MFN2: variants seen among roughly 807,000 people sequenced by gnomAD.
MFN2 encodes mitofusin-2.
A neutral mutation model predicts 87.5 loss-of-function variants in MFN2; 43 were observed. The ratio of observed to expected loss-of-function variants is 0.49; its 90% confidence interval spans 0.38 to 0.63. The LOEUF is 0.63. MFN2 is among the 30% of genes least tolerant of loss of function. The pLI, the probability that MFN2 is intolerant of heterozygous loss-of-function variation, is 0.00. For missense variants in MFN2, 743 were observed against 972.8 expected (o/e 0.76, Z 3.14); for synonymous variants, 337 against 359.9 (o/e 0.94, Z 0.72).
At chr1:12,007,299 AG>A (rs1639468377) in intron 17 of MFN2, 50 bp downstream of exon 17, 2 of 1,588,678 alleles carry the variant, frequency 1.3e-6, no homozygotes, top group East Asian at 4.6e-5. Context: ...AGGCAGGGTC[AG>A]CCCCATCTCC....
chr1:11,997,556 CA>C, intron 6 of MFN2, 135 bp downstream of exon 6: 1 of 1,232,752 alleles, frequency 8.1e-7, no homozygotes, highest in Non-Finnish European at 1.2e-6. Flanking sequence ...TGGGCTCAAC[CA>C]AATCCTCTGG....
In MFN2 at chr1:12,009,724, C is replaced by T. The variant is rs1304254268; in HGVS notation, c.2202C>T (p.Leu734=). 4 of 1,614,108 alleles carry T rather than the reference C, an allele frequency of 2.5e-6. No homozygotes were observed. In the African/African-American group the frequency reaches 4.0e-5, roughly 16 times the overall value. The change falls in exon 18 of 19, where the codon CTC becomes CTT. Residue 734 remains leucine, a splice_region_variant and synonymous_variant. Transcript: ENST00000235329. The part of the protein sequence containing the change: ...LDSLQSKAKL[L]RNKAGWLDSE... ...CACTTCAGAGCAAAGCAAAGCTGCT[C>T]AGGTGAGGCTGGCCCGTGTGGCCAA...
At chr1:11,998,700 G>T (rs1343870945) in intron 6 of MFN2, 70 bp from the exon 7 acceptor site, 3 of 1,422,002 alleles carry the variant, frequency 2.1e-6, no homozygotes, top group Non-Finnish European at 3.0e-6. Context: ...CAAGTCCCAG[G>T]TCTGTTCTCA....
chr1:11,998,977 C>A lies in MFN2; in HGVS notation c.709-11C>A, dbSNP rs766218975. On this transcript the variant is annotated splice_polypyrimidine_tract_variant and intron_variant, in intron 7 of 18. Transcript: ENST00000235329. ...AGCTCCTGCTCCACCGAGGTCTTAC[C>A]CTTTATCTAGGAAAAGCACTTCTTC... 2 of 1,614,064 alleles carry A rather than the reference C, an allele frequency of 1.2e-6. No homozygotes were observed. The highest frequency in any genetic ancestry group is 1.7e-6 in the Non-Finnish European group (2 of 1,179,932).
intron 17 of MFN2, among the ~76,000 whole-genome samples, chr1:12,007,463 G>A (rs757730958): frequency 5.3e-5 from 8 of 152,242 alleles, no homozygotes; most frequent in Non-Finnish European, 7.3e-5. Flanking sequence ...GGACGGGGTA[G>A]GCCTCTGGGC....
At chr1:12,009,464 C>G (rs891349664) in intron 17 of MFN2, 128 bp from the exon 18 acceptor site, 1 of 1,357,436 alleles carries the variant, frequency 7.4e-7, no homozygotes, top group African/African-American at 1.4e-5. Flanking sequence ...CAAACCAGGC[C>G]TGGCTCAGGG....
At chr1:11,987,344 G>A (rs1414447735) in intron 2 of MFN2, among the ~76,000 whole-genome samples, 1 of 150,352 alleles carries the variant, frequency 6.7e-6, no homozygotes, top group Non-Finnish European at 1.5e-5. Context: ...TAAACAAAAT[G>A]TTGGGCCGGG....
intron 2 of MFN2, among the ~76,000 whole-genome samples, chr1:11,985,454 CCT>C (rs1638357130): frequency 1.4e-5 from 2 of 139,644 alleles, no homozygotes; most frequent in African/African-American, 6.0e-5. Context: ...ATCCTTGATC[CCT>C]TTTTTTTTTT....
rs765967592 is a variant in MFN2 at position 12,009,726 on chromosome 1, G to A, written c.2204G>A (p.Arg735Lys). ...CTTCAGAGCAAAGCAAAGCTGCTCAGGTGAGGCTGGCCCGTGTGGCCAAAG... is the reference window on the plus strand; with the variant it reads ...CTTCAGAGCAAAGCAAAGCTGCTCAAGTGAGGCTGGCCCGTGTGGCCAAAG... ...DSLQSKAKLL[R>K]NKAGWLDSEL... The change falls in exon 18 of 19, where the codon AGG becomes AAG. Residue 735 changes from arginine (R) to lysine (K), a missense_variant and splice_region_variant. Transcript: ENST00000235329. The A allele has an allele frequency of 6.2e-7, 1 of 1,614,242 alleles. No homozygotes were observed. Among genetic ancestry groups the A allele is most frequent in the South Asian group, 1.1e-5 (1 of 91,090 alleles).
chr1:11,997,259 T>C lies in MFN2; in HGVS notation c.475-38T>C, dbSNP rs151226551. 9.8e-4 allele frequency: 1,578 copies of C among 1,613,296 alleles called. 20 individuals carry two copies. The African/African-American group carries it at 0.019, about 19-fold the overall frequency. ...ACAGGAAATCTCCTGGCCTGGTGGTTCCTCCTCAGCCTCTTTCTTTCCTTC... is the reference window on the plus strand; with the variant it reads ...ACAGGAAATCTCCTGGCCTGGTGGTCCCTCCTCAGCCTCTTTCTTTCCTTC... On this transcript the variant is annotated intron_variant, in intron 5 of 18. Coordinates refer to ENST00000235329, the MANE Select transcript of MFN2 (RefSeq NM_014874.4).
chr1:12,002,438 G>C (rs1639219576), intron 11 of MFN2, among the ~76,000 whole-genome samples: 1 of 152,254 alleles, frequency 6.6e-6, no homozygotes. Flanking sequence ...TCACACCTGT[G>C]ATCTCAACAC....
At position 12,011,772 on chromosome 1, in the gene MFN2, C is replaced by A; in HGVS notation, c.*207C>A. 3.2e-6 allele frequency: 2 copies of A among 615,984 alleles called. No homozygotes were observed. The highest frequency in any genetic ancestry group is 4.4e-4 in the Middle Eastern group (1 of 2,290). 38.2% of individuals were successfully genotyped at this position (615,984 alleles called of 1,614,324 possible). ...TGTTGCTGGAAGAGCTGGCTCATAC[C>A]CCCAAAGGACACTTTCAGCGACAGC... On this transcript the variant is annotated 3_prime_UTR_variant, in exon 19 of 19. Transcript: ENST00000235329.
Position 12,013,268 on chromosome 1 carries a change from G to A in MFN2, c.*1703G>A. On this transcript the variant is annotated 3_prime_UTR_variant, in exon 19 of 19. Transcript: ENST00000235329. ...CCCTGGGGAATGAATGAAATTTTGA[G>A]CTTCTTCAATACGTAAAATTAAATT... is the stretch of plus-strand genomic sequence containing the variant. 2.4e-6 allele frequency: 1 copy of A among 410,558 alleles called. No individual in the cohort carries two copies. Among genetic ancestry groups the A allele is most frequent in the South Asian group, 1.8e-5 (1 of 56,276 alleles). 25.4% of individuals were successfully genotyped at this position (410,558 alleles called of 1,614,324 possible). A position where few individuals can be genotyped will look rare whatever the true frequency, so the allele number is the denominator to read the frequency against.
Position 11,992,704 on chromosome 1 carries a change from G to A in MFN2, c.311+14G>A. 35 of 1,614,194 alleles carry A rather than the reference G, an allele frequency of 2.2e-5. No individual in the cohort carries two copies. The highest frequency in any genetic ancestry group is 2.9e-5 in the Non-Finnish European group (34 of 1,180,030). On this transcript the variant is annotated intron_variant, in intron 4 of 18. Transcript: ENST00000235329. ...TTTTTTTGGCCGGTAAGTCCTTGAGGCACCCACCCTTTCTTTCTTCCTGGC... is the reference window on the plus strand; with the variant it reads ...TTTTTTTGGCCGGTAAGTCCTTGAGACACCCACCCTTTCTTTCTTCCTGGC...
chr1:11,985,371 T>C (rs1638349627), intron 2 of MFN2, among the ~76,000 whole-genome samples: 1 of 151,116 alleles, frequency 6.6e-6, no homozygotes, highest in Admixed American at 6.6e-5. Context: ...AGCCCAGAAA[T>C]AATGTAGTCA....
intron 18 of MFN2, among the ~76,000 whole-genome samples, chr1:12,011,237 T>G (rs981134596): frequency 6.6e-6 from 1 of 152,182 alleles, no homozygotes; most frequent in Non-Finnish European, 1.5e-5. Context: ...TTGCACATGG[T>G]CCTGGGTGAA....
rs1344515668 is a variant in MFN2 at position 12,012,389 on chromosome 1, G to C, written c.*824G>C. 1 of 130,534 alleles carries C rather than the reference G, an allele frequency of 7.7e-6. No individual in the cohort carries two copies. The highest frequency in any genetic ancestry group is 1.7e-5 in the Non-Finnish European group (1 of 58,694). 8.1% of individuals were successfully genotyped at this position (130,534 alleles called of 1,614,324 possible). A position where few individuals can be genotyped will look rare whatever the true frequency, so the allele number is the denominator to read the frequency against. ...CTGTTTTGGAAGATGGCATGGTCTAGGTGGTTGAAGGATGTAGTAGAAGGA... is the reference window on the plus strand; with the variant it reads ...CTGTTTTGGAAGATGGCATGGTCTACGTGGTTGAAGGATGTAGTAGAAGGA... On this transcript the variant is annotated 3_prime_UTR_variant, in exon 19 of 19. Transcript: ENST00000235329.
At position 11,988,084 on chromosome 1, in the gene MFN2, T is replaced by TGTGTGTGTGTG. The variant is rs1553140706; in HGVS notation, c.-4-1081_-4-1080insGTGTGTGTGTG. The stretch of plus-strand genomic sequence containing the variant: ...CTATACTAAAATAGACCAATAGTTT[T>TGTGTGTGTGTG]TGTGTGTGTGTGTGTGTGTGTGTGT... On this transcript the variant is annotated intron_variant, in intron 2 of 18. Coordinates refer to ENST00000235329, the MANE Select transcript of MFN2 (RefSeq NM_014874.4). 6.5e-3 allele frequency among the ~76,000 whole-genome samples: 943 copies of TGTGTGTGTGTG among 144,330 alleles called. 13 individuals are homozygous for TGTGTGTGTGTG. Among genetic ancestry groups the TGTGTGTGTGTG allele is most frequent in the African/African-American group, 0.022 (888 of 39,662 alleles). 94.7% of individuals were successfully genotyped at this position (144,330 alleles called of 152,430 possible).
At chr1:11,997,172 G>C (rs1322289568) in intron 5 of MFN2, 125 bp from the exon 6 acceptor site, 10 of 1,432,310 alleles carry the variant, frequency 7.0e-6, no homozygotes, top group African/African-American at 2.8e-5. Context: ...CTTTTTATAT[G>C]TGGAAGAAGA....
Sources: allele counts gnomAD v4.1 joint callset (sites outside exome capture counted in the v4.1 genomes callset), GRCh38; gene constraint gnomAD v4.1.1; transcripts MANE v1.5; gene names NCBI Gene and HGNC (gene_info 2026-07-23, HGNC 2026-07-21).